The following KLC2 variants were observed in gnomAD, a reference collection of about 807,000 sequenced individuals.
KLC2 encodes KLC 2.
Under a neutral mutation model 75.1 loss-of-function variants are expected in KLC2, and 35 were observed. That is an observed-to-expected ratio of 0.47 (90% CI 0.36 to 0.62). The LOEUF (loss-of-function observed/expected upper bound fraction) is 0.62, where lower values mean the gene tolerates loss of function less well. Ranked by LOEUF, KLC2 falls within the 20% of genes least tolerant of loss-of-function variation. KLC2 has a pLI of 0.00. For missense variants in KLC2, 611 were observed against 833.2 expected (o/e 0.73, Z 3.28); for synonymous variants, 314 against 336.7 (o/e 0.93, Z 0.74).
At chr11:66,247,075 C>T in the KLC2 span, among the ~76,000 whole-genome samples, 1 of 152,204 alleles carries the variant, frequency 6.6e-6, no homozygotes, top group Admixed American at 6.5e-5. Flanking sequence ...TAAATGCAAA[C>T]TCGGTTCTTC....
At chr11:66,252,851 C>CT (rs1250876311), upstream of KLC2, among the ~76,000 whole-genome samples, 1 of 151,978 alleles carries the variant, frequency 6.6e-6, no homozygotes, top group Non-Finnish European at 1.5e-5. Context: ...CTGGGGACAG[C>CT]TTTGAGTAGA....
intron 10 of KLC2, 36 bp downstream of exon 10, chr11:66,265,108 G>A (rs1169309434): frequency 1.2e-6 from 2 of 1,609,450 alleles, no homozygotes; most frequent in Admixed American, 3.3e-5. Flanking sequence ...GTTGTCAGGG[G>A]AGGCTGGGAT....
upstream of KLC2, among the ~76,000 whole-genome samples, chr11:66,255,485 A>C (rs545991613): frequency 6.6e-6 from 1 of 152,212 alleles, no homozygotes; most frequent in African/African-American, 2.4e-5. Context: ...CACTGAGCCC[A>C]GCCCAACCAG....
At chr11:66,266,810 A>G (rs772613635) in intron 15 of KLC2, 63 bp from the exon 16 acceptor site, 22 of 1,546,878 alleles carry the variant, frequency 1.4e-5, no homozygotes, top group Non-Finnish European at 1.8e-5. Context: ...AGACCCCTTC[A>G]GGCCAGGGAG....
chr11:66,260,875 G>T (rs929107016), intron 2 of KLC2: 1 of 152,110 alleles, frequency 6.6e-6, no homozygotes, highest in Non-Finnish European at 1.5e-5. Context: ...GATTACAGGC[G>T]TGAGCCACCG....
At chr11:66,245,808 G>C in the KLC2 span, among the ~76,000 whole-genome samples, 1 of 152,246 alleles carries the variant, frequency 6.6e-6, no homozygotes, top group Non-Finnish European at 1.5e-5. Context: ...CTTGAACCCG[G>C]GAGGCGGAGG....
intron 11 of KLC2, 37 bp from the exon 12 acceptor site, chr11:66,265,618 T>TG (rs2134835701): frequency 1.3e-6 from 2 of 1,551,528 alleles, no homozygotes; most frequent in Non-Finnish European, 8.8e-7. Context: ...GCCCTGGGTC[T>TG]GGGGGAACAT....
upstream of KLC2, among the ~76,000 whole-genome samples, chr11:66,255,306 C>T (rs1276549390): frequency 6.6e-6 from 1 of 152,364 alleles, no homozygotes; most frequent in East Asian, 1.9e-4. Flanking sequence ...CCTCCCACCT[C>T]AGCCTCCTGA....
At chr11:66,256,651 T>C (rs1185680553), upstream of KLC2, among the ~76,000 whole-genome samples, 1 of 152,142 alleles carries the variant, frequency 6.6e-6, no homozygotes, top group African/African-American at 2.4e-5. Flanking sequence ...GCTTGGATGA[T>C]AAAGTAAGAA....
At chr11:66,263,138 G>A (rs1054108388) in intron 5 of KLC2, 102 bp downstream of exon 5, 22 of 783,846 alleles carry the variant, frequency 2.8e-5, no homozygotes, top group South Asian at 1.2e-4. Context: ...GCCCACCTGC[G>A]TGGAGCTGGG....
rs187295883 is a variant in KLC2, at chr11:66,267,403, C to T, written c.*447C>T. On this transcript the variant is annotated 3_prime_UTR_variant, in exon 16 of 16. Transcript: ENST00000394067. Reference sequence around the variant, plus strand: ...GTCCACGGTACTACCCGGGCCTCCCCTCGTCCCTCTTCTAGTGGTACCGCC... The same window carrying T: ...GTCCACGGTACTACCCGGGCCTCCCTTCGTCCCTCTTCTAGTGGTACCGCC... 1.9e-3 allele frequency: 1,367 copies of T among 718,242 alleles called. 15 individuals carry two copies. The African/African-American group carries it at 0.02, about 10-fold the overall frequency. The allele number at this position is 718,242 out of a possible 1,614,324, so 44.5% of individuals were successfully genotyped here. A position where few individuals can be genotyped will look rare whatever the true frequency, so the allele number is the denominator to read the frequency against.
chr11:66,265,788 G>A (rs781158799), intron 12 of KLC2, 25 bp downstream of exon 12: 16 of 1,610,154 alleles, frequency 9.9e-6, no homozygotes, highest in Non-Finnish European at 1.4e-5. Context: ...AGGAGGGGGT[G>A]GGCAGACACC....
chr11:66,264,789 G>A (rs1023751119), intron 9 of KLC2: 5 of 589,634 alleles, frequency 8.5e-6, no homozygotes, highest in Non-Finnish European at 1.5e-5. Flanking sequence ...GTCCCTCGGA[G>A]CCTGGCCCAT....
intron 10 of KLC2, 39 bp from the exon 11 acceptor site, chr11:66,265,129 G>A: frequency 6.2e-7 from 1 of 1,610,632 alleles, no homozygotes. Flanking sequence ...GTGCAGAGGG[G>A]GGCCTGCTCT....
At position 66,262,134 on chromosome 11, in the gene KLC2, G is replaced by A; in HGVS notation, c.471G>A (p.Gly157=). Reference sequence around the variant, plus strand: ...GTCTTCCTTCCCAGGAGGAGAAGGGGGACGTCCCCAAAGACACACTGGATG... The same window carrying A: ...GTCTTCCTTCCCAGGAGGAGAAGGGAGACGTCCCCAAAGACACACTGGATG... ...DEDASPNEEK[G]DVPKDTLDDL... is the part of the protein sequence containing the mutation. Residue 157 remains glycine, a synonymous_variant, in exon 4 of 16, where the codon GGG becomes GGA. Transcript: ENST00000394067. The A allele has an allele frequency of 1.2e-6, 2 of 1,613,338 alleles. No homozygotes were observed. Among genetic ancestry groups the A allele is most frequent in the Non-Finnish European group, 1.7e-6 (2 of 1,179,934 alleles).
chr11:66,258,965 T>G, intron 2 of KLC2, 143 bp downstream of exon 2: 1 of 636,922 alleles, frequency 1.6e-6, no homozygotes, highest in East Asian at 2.8e-5. Context: ...AAATACCTTT[T>G]GAAGAAATAA....
At chr11:66,257,314 A>C (rs1856079849), upstream of KLC2, 3 of 152,078 alleles carry the variant, frequency 2.0e-5, no homozygotes, top group Admixed American at 2.0e-4. Flanking sequence ...TAACAGCGGC[A>C]CTCACTTCTC....
rs747722363 is a variant in KLC2, at chr11:66,263,897, G to T, written c.887G>T (p.Gly296Val). 1 of 1,614,190 alleles carries T rather than the reference G, an allele frequency of 6.2e-7. No individual in the cohort carries two copies. The highest frequency in any genetic ancestry group is 1.1e-5 in the South Asian group (1 of 91,084). ...CTGGCAGTCCTGTATGGCAAGAGGG[G>T]CAAGTACAAGGAGGCTGAGCCATTG... ...NNLAVLYGKR[G>V]KYKEAEPLCK... is the part of the protein sequence containing the mutation. Residue 296 changes from glycine (G) to valine (V), a missense_variant, in exon 7 of 16, where the codon GGC becomes GTC. Gly to Val is a moderately radical substitution (Grantham distance 109). Coordinates refer to ENST00000394067, the MANE Select transcript of KLC2 (RefSeq NM_001318734.2).
intron 8 of KLC2, 54 bp from the exon 9 acceptor site, chr11:66,264,291 G>T (rs1274068544): frequency 1.3e-6 from 2 of 1,575,216 alleles, no homozygotes; most frequent in Non-Finnish European, 1.7e-6. Context: ...AAGAAGGAGA[G>T]AAAAAGGCTT....
Sources: allele counts gnomAD v4.1 joint callset (sites outside exome capture counted in the v4.1 genomes callset), GRCh38; gene constraint gnomAD v4.1.1; transcripts MANE v1.5; gene names NCBI Gene and HGNC (gene_info 2026-07-23, HGNC 2026-07-21).